GRIP2: variants seen among roughly 807,000 people sequenced by gnomAD.
GRIP2 encodes the protein glutamate receptor interacting protein 2, also known as glutamate receptor-interacting protein 2.
Under a neutral mutation model 108.3 loss-of-function variants are expected in GRIP2, and 58 were observed. The observed-to-expected ratio is 0.54, with a 90% confidence interval of 0.43 to 0.67. The LOEUF (loss-of-function observed/expected upper bound fraction) is 0.67, where lower values mean the gene tolerates loss of function less well. Ranked by LOEUF, GRIP2 falls within the 30% of genes least tolerant of loss-of-function variation. The probability of loss-of-function intolerance (pLI) is 0.00; values close to 1 mark genes in which losing one functional copy is unlikely to be tolerated. For synonymous variants in GRIP2, 586 were observed against 598.2 expected (o/e 0.98, Z 0.30); for missense variants, 1,278 against 1,430.6 (o/e 0.89, Z 1.72).
At position 14,540,133 on chromosome 3, in the gene GRIP2, C is replaced by T. The variant is rs1337567422; in HGVS notation, c.40+136G>A. 4.4e-6 allele frequency: 5 copies of T among 1,146,530 alleles called. No individual in the cohort carries two copies. The highest frequency in any genetic ancestry group is 1.5e-5 in the African/African-American group (1 of 64,638). 71.0% of individuals were successfully genotyped at this position (1,146,530 alleles called of 1,614,324 possible). On this transcript the variant is annotated intron_variant, in intron 1 of 23. Coordinates refer to ENST00000621039, the MANE Select transcript of GRIP2 (RefSeq NM_001080423.4). The surrounding 1 kb of genome is among the most constrained non-coding windows in gnomAD (Gnocchi z 4.1). ...AGCCCCAGCAAGTGTCCTGCCCCAC[C>T]CTCCCCAAGCCCTGGGTCTCCAGGG...
chr3:14,525,014 T>C (rs1694515700), intron 3 of GRIP2, among the ~76,000 whole-genome samples: 1 of 152,154 alleles, frequency 6.6e-6, no homozygotes, highest in African/African-American at 2.4e-5. Flanking sequence ...GAAATGTGCA[T>C]GTGGGGCTTC....
At chr3:14,514,520 C>T (rs776586421) in intron 11 of GRIP2, 42 bp from the exon 12 acceptor site, 19 of 1,488,410 alleles carry the variant, frequency 1.3e-5, no homozygotes, top group Admixed American at 6.8e-5. Context: ...AGCCGCCCCA[C>T]GGAGGTCTTC....
At chr3:14,558,335 G>C (rs565478996), upstream of GRIP2, among the ~76,000 whole-genome samples, 162 of 152,262 alleles carry the variant, frequency 1.1e-3, no homozygotes, top group African/African-American at 3.7e-3. Context: ...GCCGAGCCCC[G>C]CCTGGCTGGC....
chr3:14,592,207 A>G, the GRIP2 span, among the ~76,000 whole-genome samples: 3 of 152,200 alleles, frequency 2.0e-5, no homozygotes, highest in African/African-American at 7.2e-5. Flanking sequence ...CTCAGCTCAG[A>G]GTTGGAGTGG....
the GRIP2 span, among the ~76,000 whole-genome samples, chr3:14,589,972 T>C: frequency 6.6e-6 from 1 of 152,018 alleles, no homozygotes; most frequent in Non-Finnish European, 1.5e-5. Context: ...TTTGTATTTT[T>C]TGTAGAGATG....
At chr3:14,514,246 C>T in intron 12 of GRIP2, 46 bp downstream of exon 12, 2 of 1,439,362 alleles carry the variant, frequency 1.4e-6, no homozygotes, top group South Asian at 1.3e-5. Context: ...GACTCAGTTT[C>T]TCTCAGAGAG....
At chr3:14,496,698 G>T (rs1693613288) in intron 21 of GRIP2, 138 bp from the exon 22 acceptor site, 1 of 1,231,748 alleles carries the variant, frequency 8.1e-7, no homozygotes, top group Non-Finnish European at 1.1e-6. Context: ...GCCCATTGGG[G>T]CTGGGTCCAA....
chr3:14,565,621 G>A, the GRIP2 span, among the ~76,000 whole-genome samples: 2 of 152,356 alleles, frequency 1.3e-5, no homozygotes, highest in Middle Eastern at 3.4e-3. Context: ...AGGATGAGAA[G>A]GGGCTGTGTA....
At chr3:14,501,560 G>A (rs778925226) in intron 21 of GRIP2, among the ~76,000 whole-genome samples, 62 of 152,078 alleles carry the variant, frequency 4.1e-4, no homozygotes, top group African/African-American at 1.3e-3. Flanking sequence ...AAAATATATC[G>A]AAATGGAAAA....
At chr3:14,570,620 G>A in the GRIP2 span, among the ~76,000 whole-genome samples, 2 of 152,230 alleles carry the variant, frequency 1.3e-5, no homozygotes, top group Non-Finnish European at 2.9e-5. Context: ...CTAAGTGCCT[G>A]ATCAGTGGCT....
intron 1 of GRIP2, among the ~76,000 whole-genome samples, chr3:14,553,641 C>T (rs1009266111): frequency 1.3e-5 from 2 of 152,130 alleles, no homozygotes; most frequent in African/African-American, 4.8e-5. Context: ...GACTGAGAAA[C>T]CTGGGGGCCT....
chr3:14,587,423 G>C, the GRIP2 span, among the ~76,000 whole-genome samples: 1 of 152,028 alleles, frequency 6.6e-6, no homozygotes, highest in Non-Finnish European at 1.5e-5. Context: ...CTGAGGTCAG[G>C]AGTTCGAGAC....
chr3:14,523,101 G>A (rs1429236222), intron 5 of GRIP2, 26 bp from the exon 6 acceptor site: 62 of 1,560,918 alleles, frequency 4.0e-5, no homozygotes, highest in Non-Finnish European at 5.4e-5. Flanking sequence ...CAAGAAGCAG[G>A]AATCATCCAC....
chr3:14,578,963 C>A, the GRIP2 span, among the ~76,000 whole-genome samples: 6 of 152,080 alleles, frequency 3.9e-5, no homozygotes. Context: ...AATCCCACTC[C>A]TAGGTATTTA....
the GRIP2 span, among the ~76,000 whole-genome samples, chr3:14,584,461 A>T: frequency 6.6e-6 from 1 of 152,282 alleles, no homozygotes; most frequent in Admixed American, 6.5e-5. Context: ...TGTGCATATC[A>T]GTGGACCTCT....
intron 1 of GRIP2, among the ~76,000 whole-genome samples, chr3:14,537,122 A>C (rs1199850258): frequency 1.3e-5 from 2 of 152,312 alleles, no homozygotes; most frequent in East Asian, 3.9e-4. Flanking sequence ...TGCACTCTAA[A>C]GGGAGGTGAA....
Position 14,505,545 on chromosome 3 carries a change from C to G in GRIP2, c.2573+70G>C, listed in dbSNP as rs1157047981. 1.3e-6 allele frequency: 2 copies of G among 1,519,148 alleles called. No individual in the cohort carries two copies. The highest frequency in any genetic ancestry group is 2.0e-5 in the Admixed American group (1 of 50,674). 94.1% of individuals were successfully genotyped at this position (1,519,148 alleles called of 1,614,324 possible). On this transcript the variant is annotated intron_variant, in intron 20 of 23. Transcript: ENST00000621039. This position sits in a 1 kb window ranked among gnomAD's most constrained non-coding sequence, Gnocchi z 4.2. ...TCTCCATTCCCCCACCACTTTGGCA[C>G]AGGCACCCTCGCCCACCCCAGCCAA...
upstream of GRIP2, among the ~76,000 whole-genome samples, chr3:14,560,137 C>T (rs932440726): frequency 6.6e-6 from 1 of 151,844 alleles, no homozygotes; most frequent in Non-Finnish European, 1.5e-5. Context: ...GCCTATAGTC[C>T]CAGCTACTCA....
upstream of GRIP2, chr3:14,541,765 G>T: frequency 1.4e-6 from 1 of 703,286 alleles, no homozygotes; most frequent in Non-Finnish European, 2.2e-6. Flanking sequence ...TGATGCCAAG[G>T]TCTCAGCCAC....
Sources: gnomAD v4.1 joint callset for allele counts (sites outside exome capture counted in the v4.1 genomes callset) on GRCh38, gnomAD v4.1.1 for gene constraint, Gnocchi (gnomAD v3.1) non-coding constraint, MANE v1.5 for transcripts, NCBI Gene and HGNC (gene_info 2026-07-23, HGNC 2026-07-21) for gene names.